FUT9: variants seen among roughly 807,000 people sequenced by gnomAD.
The protein encoded by FUT9 is 4-galactosyl-N-acetylglucosaminide 3-alpha-L-fucosyltransferase 9.
In FUT9, 15 loss-of-function variants were observed where a neutral mutation model predicts 29.7. The ratio of observed to expected loss-of-function variants is 0.51; its 90% CI spans 0.34 to 0.78. The LOEUF (loss-of-function observed/expected upper bound fraction) is 0.78, where lower values mean the gene tolerates loss of function less well. Ranked by LOEUF, FUT9 falls within the 30% of genes least tolerant of loss-of-function variation. The probability of loss-of-function intolerance (pLI) is 0.01; values close to 1 mark genes in which losing one functional copy is unlikely to be tolerated. For missense variants in FUT9, 319 were observed against 425.4 expected (o/e 0.75, Z 2.20); for synonymous variants, 169 against 153.7 (o/e 1.10, Z -0.74).
At chr6:96,155,410 G>T (rs2127978033) in intron 2 of FUT9, among the ~76,000 whole-genome samples, 1 of 152,226 alleles carries the variant, frequency 6.6e-6, no homozygotes, top group East Asian at 1.9e-4. Context: ...AAGGCCTTTA[G>T]TGTTTGGCCC....
At chr6:96,107,602 T>C (rs987985399) in intron 1 of FUT9, among the ~76,000 whole-genome samples, 1 of 152,208 alleles carries the variant, frequency 6.6e-6, no homozygotes, top group African/African-American at 2.4e-5. Context: ...AAAGTATATG[T>C]ATAAATTTGG....
chr6:96,169,139 G>C (rs990493157), intron 2 of FUT9, among the ~76,000 whole-genome samples: 19 of 152,170 alleles, frequency 1.2e-4, no homozygotes, highest in African/African-American at 4.1e-4. Flanking sequence ...GCCCTACACT[G>C]TCCACTACAG....
At chr6:96,041,753 T>G (rs1308422361) in intron 1 of FUT9, among the ~76,000 whole-genome samples, 1 of 152,234 alleles carries the variant, frequency 6.6e-6, no homozygotes, top group East Asian at 1.9e-4. Flanking sequence ...TTAAACAATC[T>G]GTTGATATAT....
rs1007843047 is a variant in FUT9 at position 96,207,089 on chromosome 6, T to C, written c.*2854T>C. On this transcript the variant is annotated 3_prime_UTR_variant, in exon 3 of 3. Coordinates refer to ENST00000302103, the MANE Select transcript of FUT9 (RefSeq NM_006581.4). ...AACCCTTTAGCTGTGGGTCCATTGATGTGTGAGTTTTAGAGCTGGAAGGAA... is the reference window on the plus strand; with the variant it reads ...AACCCTTTAGCTGTGGGTCCATTGACGTGTGAGTTTTAGAGCTGGAAGGAA... The C allele has an allele frequency of 6.0e-6, 1 of 167,028 alleles. No homozygotes were observed. The highest frequency in any genetic ancestry group is 2.4e-5 in the African/African-American group (1 of 41,456). The allele number at this position is 167,028 out of a possible 1,614,324, so 10.3% of individuals were successfully genotyped here. A position where few individuals can be genotyped will look rare whatever the true frequency, so the allele number is the denominator to read the frequency against.
intron 1 of FUT9, among the ~76,000 whole-genome samples, chr6:96,033,729 C>A (rs1770303136): frequency 6.6e-6 from 1 of 151,620 alleles, no homozygotes; most frequent in Non-Finnish European, 1.5e-5. Flanking sequence ...AATTTGTCTT[C>A]TGATATACCA....
At chr6:96,056,766 A>C (rs1722468569) in intron 1 of FUT9, among the ~76,000 whole-genome samples, 1 of 152,272 alleles carries the variant, frequency 6.6e-6, no homozygotes, top group South Asian at 2.1e-4. Flanking sequence ...TAAAAAAAAA[A>C]ACCTAAGCTT....
intron 1 of FUT9, among the ~76,000 whole-genome samples, chr6:96,085,796 C>T (rs1460045520): frequency 6.6e-6 from 1 of 152,144 alleles, no homozygotes; most frequent in Non-Finnish European, 1.5e-5. Flanking sequence ...ACAATGTACT[C>T]TACTTCATTG....
chr6:96,190,958 G>A (rs953787355), intron 2 of FUT9, among the ~76,000 whole-genome samples: 6 of 152,240 alleles, frequency 3.9e-5, no homozygotes, highest in African/African-American at 9.6e-5. Flanking sequence ...GAGGAGCTGC[G>A]TTCCTTTGAA....
chr6:96,085,126 A>G (rs1240087039), intron 1 of FUT9, among the ~76,000 whole-genome samples: 2 of 152,214 alleles, frequency 1.3e-5, no homozygotes, highest in Admixed American at 6.5e-5. Flanking sequence ...GAAAAAGTGT[A>G]TAAGCAAACA....
intron 2 of FUT9, among the ~76,000 whole-genome samples, chr6:96,171,279 C>T (rs910354464): frequency 4.6e-5 from 7 of 152,202 alleles, no homozygotes; most frequent in African/African-American, 1.7e-4. Context: ...ACTCCTCAGA[C>T]ATTAACTGCC....
intron 1 of FUT9, among the ~76,000 whole-genome samples, chr6:96,108,794 C>A (rs1164811250): frequency 6.6e-6 from 1 of 152,132 alleles, no homozygotes; most frequent in Non-Finnish European, 1.5e-5. Context: ...TAGAATGCCA[C>A]TACATTGTAC....
intron 1 of FUT9, among the ~76,000 whole-genome samples, chr6:96,070,451 C>G (rs62419387): frequency 6.6e-6 from 1 of 151,922 alleles, no homozygotes; most frequent in African/African-American, 2.4e-5. Flanking sequence ...TTTGGGAGGC[C>G]AAGGTGGCAG....
intron 2 of FUT9, among the ~76,000 whole-genome samples, chr6:96,160,112 T>C (rs775935840): frequency 2.0e-5 from 3 of 152,178 alleles, no homozygotes; most frequent in Non-Finnish European, 4.4e-5. Context: ...ACATTTTGGT[T>C]GAGCTTTTAA....
intron 2 of FUT9, among the ~76,000 whole-genome samples, chr6:96,186,433 C>T (rs1012603787): frequency 6.6e-6 from 1 of 152,160 alleles, no homozygotes; most frequent in African/African-American, 2.4e-5. Context: ...CTCTCTTTGA[C>T]TCCTGCAGCC....
At chr6:96,077,882 T>A (rs1029158721) in intron 1 of FUT9, among the ~76,000 whole-genome samples, 34 of 152,206 alleles carry the variant, frequency 2.2e-4, no homozygotes, top group African/African-American at 8.2e-4. Flanking sequence ...TTTTATGTGA[T>A]CTGCCTCCAC....
intron 1 of FUT9, among the ~76,000 whole-genome samples, chr6:96,101,417 G>A (rs1771583350): frequency 6.6e-6 from 1 of 151,642 alleles, no homozygotes; most frequent in Non-Finnish European, 1.5e-5. Context: ...TGGGGGCTGG[G>A]GGGTGCCTGT....
intron 2 of FUT9, among the ~76,000 whole-genome samples, chr6:96,191,228 T>C (rs2127988723): frequency 1.3e-5 from 2 of 151,976 alleles, no homozygotes; most frequent in South Asian, 4.2e-4. Flanking sequence ...ATAACTAAGA[T>C]CAGAGCAGAA....
At chr6:96,102,868 T>C (rs72929905) in intron 1 of FUT9, among the ~76,000 whole-genome samples, 6,146 of 152,250 alleles carry the variant, frequency 0.04, 173 homozygotes, top group South Asian at 0.12. Flanking sequence ...TAGTTTCCTC[T>C]CATGCATCAT....
intron 1 of FUT9, among the ~76,000 whole-genome samples, chr6:96,090,155 T>C (rs1406483854): frequency 2.0e-5 from 3 of 152,118 alleles, no homozygotes; most frequent in Non-Finnish European, 2.9e-5. Flanking sequence ...CAAGCATGTG[T>C]ATATGAAAGA....
Sources: gnomAD v4.1 joint callset for allele counts (sites outside exome capture counted in the v4.1 genomes callset) on GRCh38, gnomAD v4.1.1 for gene constraint, MANE v1.5 for transcripts, NCBI Gene and HGNC (gene_info 2026-07-23, HGNC 2026-07-21) for gene names.